PIP5K1C: variants seen among roughly 807,000 people sequenced by gnomAD.
PIP5K1C encodes the protein phosphatidylinositol 4-phosphate 5-kinase type-1 gamma.
In PIP5K1C, 45 loss-of-function variants were observed where a neutral mutation model predicts 80.1. The ratio of observed to expected loss-of-function variants is 0.56; its 90% CI spans 0.44 to 0.72. The LOEUF is 0.72. Ranked by LOEUF, PIP5K1C falls within the 30% of genes least tolerant of loss-of-function variation. The pLI, the probability that PIP5K1C is intolerant of heterozygous loss-of-function variation, is 0.00. For missense variants in PIP5K1C, 753 were observed against 954.6 expected (o/e 0.79, Z 2.78); for synonymous variants, 498 against 420.1 (o/e 1.19, Z -2.27).
chr19:3,664,709 G>A (rs1417118116), intron 3 of PIP5K1C, 113 bp downstream of exon 3: 32 of 918,492 alleles, frequency 3.5e-5, no homozygotes, highest in Admixed American at 1.9e-4. Context: ...CCTGTCCCTG[G>A]GCAGACCCTG....
At chr19:3,650,558 A>G (rs2034400344) in intron 8 of PIP5K1C, among the ~76,000 whole-genome samples, 1 of 152,212 alleles carries the variant, frequency 6.6e-6, no homozygotes, top group South Asian at 2.1e-4. Context: ...TGCCCAGGAC[A>G]GCCCCACCCC....
intron 16 of PIP5K1C, 61 bp downstream of exon 16, chr19:3,638,823 A>G: frequency 1.2e-6 from 2 of 1,605,546 alleles, no homozygotes; most frequent in Non-Finnish European, 1.7e-6. Context: ...CACACGGTGG[A>G]GCGTGTGTGA....
intron 15 of PIP5K1C, among the ~76,000 whole-genome samples, chr19:3,641,427 G>A (rs1190710971): frequency 2.0e-5 from 3 of 152,054 alleles, no homozygotes; most frequent in Admixed American, 1.3e-4. Context: ...GCTGAGCAGC[G>A]TCCCTGGCCT....
intron 12 of PIP5K1C, 33 bp downstream of exon 12, chr19:3,644,054 G>A (rs892418491): frequency 1.4e-5 from 23 of 1,607,492 alleles, no homozygotes; most frequent in African/African-American, 5.3e-5. Context: ...CCCCTGTAGC[G>A]CCCACAAGCG....
At chr19:3,700,150 C>T in intron 1 of PIP5K1C, 147 bp downstream of exon 1, 1 of 308,528 alleles carries the variant, frequency 3.2e-6, no homozygotes, top group Non-Finnish European at 5.1e-6. Context: ...CTCCCCGCGG[C>T]TCCAGGGGAC....
At chr19:3,638,548 C>G (rs879538378) in intron 16 of PIP5K1C, among the ~76,000 whole-genome samples, 1 of 152,222 alleles carries the variant, frequency 6.6e-6, no homozygotes, top group Non-Finnish European at 1.5e-5. Flanking sequence ...GGACTCCGGA[C>G]GACTTCCAGG....
intron 15 of PIP5K1C, among the ~76,000 whole-genome samples, chr19:3,641,334 C>T (rs958592731): frequency 1.3e-5 from 2 of 152,080 alleles, no homozygotes; most frequent in Non-Finnish European, 2.9e-5. Flanking sequence ...AACCCTTAGC[C>T]CAGGGTCTCT....
In PIP5K1C at chr19:3,637,012, A is replaced by G. The variant is rs1484435967; in HGVS notation, c.1920+1872T>C. The G allele has an allele frequency of 9.6e-7, 1 of 1,045,328 alleles. No individual in the cohort carries two copies. Among genetic ancestry groups the G allele is most frequent in the Non-Finnish European group, 1.2e-6 (1 of 867,438 alleles). The allele number at this position is 1,045,328 out of a possible 1,614,324, so 64.8% of individuals were successfully genotyped here. ...GTCTCCCAGGCTCCCAGGGGAGCCG[A>G]GGCCTCAGCGCCTCCATCTGTGAGG... On this transcript the variant is annotated intron_variant, in intron 16 of 17. Coordinates refer to ENST00000335312, the MANE Select transcript of PIP5K1C (RefSeq NM_012398.3). The surrounding 1 kb of genome is among the most constrained non-coding windows in gnomAD (Gnocchi z 7.0).
chr19:3,637,414 C>T lies in PIP5K1C; in HGVS notation c.1920+1470G>A, dbSNP rs1265935731. On this transcript the variant is annotated intron_variant, in intron 16 of 17. Transcript: ENST00000335312. This position sits in a 1 kb window ranked among gnomAD's most constrained non-coding sequence, Gnocchi z 7.0. ...GACCTCAATTGCAGCCGTGATTTAC[C>T]CAAAGCCCTTCTGGAAAACAACTGA... The T allele has an allele frequency of 1.3e-6, 2 of 1,535,582 alleles. No homozygotes were observed. Among genetic ancestry groups the T allele is most frequent in the Admixed American group, 3.9e-5 (2 of 50,992 alleles).
intron 6 of PIP5K1C, among the ~76,000 whole-genome samples, chr19:3,655,920 C>T (rs564813482): frequency 2.9e-4 from 44 of 152,340 alleles, no homozygotes; most frequent in African/African-American, 1.0e-3. Context: ...GTGAGTCATG[C>T]GGGATGAGGG....
chr19:3,637,728 G>A lies in PIP5K1C; in HGVS notation c.1920+1156C>T. The A allele has an allele frequency of 6.6e-7, 1 of 1,520,666 alleles. No homozygotes were observed. The highest frequency in any genetic ancestry group is 8.8e-7 in the Non-Finnish European group (1 of 1,139,360). 94.2% of individuals were successfully genotyped at this position (1,520,666 alleles called of 1,614,324 possible). Reference sequence around the variant, plus strand: ...CGGAGGGAGGTGGCGGGGAGCAGGTGGGGACAGCTGACTGCCAAGCAGAAG... The same window carrying A: ...CGGAGGGAGGTGGCGGGGAGCAGGTAGGGACAGCTGACTGCCAAGCAGAAG... On this transcript the variant is annotated intron_variant, in intron 16 of 17. Transcript: ENST00000335312. This position sits in a 1 kb window ranked among gnomAD's most constrained non-coding sequence, Gnocchi z 7.0.
chr19:3,681,761 AGGGCAGCCCCT>A (rs1477306527), intron 1 of PIP5K1C, among the ~76,000 whole-genome samples: 2 of 151,564 alleles, frequency 1.3e-5, no homozygotes, highest in African/African-American at 2.4e-5. Flanking sequence ...CGGCAGCCCC[AGGGCAGCCCCT>A]GGGGGAGGGC....
rs527904737 is a variant in PIP5K1C at position 3,661,866 on chromosome 19, C to G, written c.350+5G>C. 1.9e-5 allele frequency: 31 copies of G among 1,611,328 alleles called. No individual in the cohort carries two copies. In the South Asian group the frequency reaches 3.4e-4, roughly 18 times the overall value. On this transcript the variant is annotated splice_donor_5th_base_variant and intron_variant, in intron 4 of 17. Coordinates refer to ENST00000335312, the MANE Select transcript of PIP5K1C (RefSeq NM_012398.3). ...GAGCCCTGAGGCTCCGGGGGCCCGG[C>G]CCACCTGGGGAAGAAGATGCTCTCC...
rs141628037 is a variant in PIP5K1C at position 3,639,670 on chromosome 19, G to A, written c.1788-654C>T. On this transcript the variant is annotated intron_variant, in intron 15 of 17. Coordinates refer to ENST00000335312, the MANE Select transcript of PIP5K1C (RefSeq NM_012398.3). ...TGGTCTCCAACTCATGGGGTCAAGCGATCCTCCTGCCTCAGCCTCCTTTAG... is the reference window on the plus strand; with the variant it reads ...TGGTCTCCAACTCATGGGGTCAAGCAATCCTCCTGCCTCAGCCTCCTTTAG... Among the ~76,000 whole-genome samples, 434 of 151,844 alleles carry A rather than the reference G, an allele frequency of 2.9e-3. 3 individuals are homozygous for A. The highest frequency in any genetic ancestry group is 3.4e-3 in the Middle Eastern group (1 of 294).
In PIP5K1C at chr19:3,637,690, C is replaced by T. The variant is rs1281683178; in HGVS notation, c.1920+1194G>A. The T allele has an allele frequency of 5.8e-5, 76 of 1,313,628 alleles. No individual in the cohort carries two copies. Among genetic ancestry groups the T allele is most frequent in the Non-Finnish European group, 6.6e-5 (67 of 1,011,600 alleles). 81.4% of individuals were successfully genotyped at this position (1,313,628 alleles called of 1,614,324 possible). A position where few individuals can be genotyped will look rare whatever the true frequency, so the allele number is the denominator to read the frequency against. On this transcript the variant is annotated intron_variant, in intron 16 of 17. Transcript: ENST00000335312. This position sits in a 1 kb window ranked among gnomAD's most constrained non-coding sequence, Gnocchi z 7.0. Reference sequence around the variant, plus strand: ...CGGATGAGGCGGCCACCCCCGTGGTCGGGTGGGAGAGGCGGAGGGAGGTGG... The same window carrying T: ...CGGATGAGGCGGCCACCCCCGTGGTTGGGTGGGAGAGGCGGAGGGAGGTGG...
chr19:3,634,166 G>C (rs568478784), intron 16 of PIP5K1C, among the ~76,000 whole-genome samples: 3 of 152,064 alleles, frequency 2.0e-5, no homozygotes, highest in Non-Finnish European at 4.4e-5. Flanking sequence ...AGGCAGGGCC[G>C]TGTGCAGGGA....
At position 3,632,835 on chromosome 19, in the gene PIP5K1C, C is replaced by T; in HGVS notation, c.*332G>A. ...GAGTGCAGTGGGCAGGGGCTCTTCT[C>T]CCTCTGGTTGGTTTGTTTGTGTCTT... On this transcript the variant is annotated 3_prime_UTR_variant, in exon 18 of 18. Coordinates refer to ENST00000335312, the MANE Select transcript of PIP5K1C (RefSeq NM_012398.3). 1 of 365,126 alleles carries T rather than the reference C, an allele frequency of 2.7e-6. No individual in the cohort carries two copies. The highest frequency in any genetic ancestry group is 4.9e-6 in the Non-Finnish European group (1 of 202,774). 22.6% of individuals were successfully genotyped at this position (365,126 alleles called of 1,614,324 possible). A position where few individuals can be genotyped will look rare whatever the true frequency, so the allele number is the denominator to read the frequency against.
chr19:3,656,249 C>T (rs187618244), intron 6 of PIP5K1C, among the ~76,000 whole-genome samples, 156 bp downstream of exon 6: 231 of 152,284 alleles, frequency 1.5e-3, no homozygotes, highest in Middle Eastern at 6.8e-3. Flanking sequence ...TGAAGCCTGA[C>T]GGGGGACCCC....
At chr19:3,684,173 G>A (rs1238046497) in intron 1 of PIP5K1C, among the ~76,000 whole-genome samples, 1 of 152,128 alleles carries the variant, frequency 6.6e-6, no homozygotes, top group Non-Finnish European at 1.5e-5. Context: ...ACGATAAGAA[G>A]AGCCTCCCGC....
Sources: gnomAD v4.1 joint callset for allele counts (sites outside exome capture counted in the v4.1 genomes callset) on GRCh38, gnomAD v4.1.1 for gene constraint, Gnocchi (gnomAD v3.1) non-coding constraint, MANE v1.5 for transcripts, NCBI Gene and HGNC (gene_info 2026-07-23, HGNC 2026-07-21) for gene names.